SGCD: variants seen among roughly 807,000 people sequenced by gnomAD.
SGCD encodes sarcoglycan delta.
A neutral mutation model predicts 36.6 loss-of-function variants in SGCD; 18 were observed. That is an observed-to-expected ratio of 0.49 (90% CI 0.34 to 0.73). The LOEUF is 0.73. Among genes scored for constraint, SGCD ranks in the 30% least tolerant of loss-of-function variants. The pLI, the probability that SGCD is intolerant of heterozygous loss-of-function variation, is 0.01. For missense variants in SGCD, 387 were observed against 346.7 expected, an observed-to-expected ratio of 1.12 and a Z score of -0.92; for synonymous variants, 133 against 130.6, an observed-to-expected ratio of 1.02 and a Z score of -0.12.
At chr5:156,475,662 G>A (rs1477593888) in intron 3 of SGCD, among the ~76,000 whole-genome samples, 5 of 152,154 alleles carry the variant, frequency 3.3e-5, no homozygotes, top group African/African-American at 4.8e-5. Context: ...CAAGCCTGCC[G>A]CTAACCAAGT....
the SGCD span, among the ~76,000 whole-genome samples, chr5:155,838,661 A>G: frequency 2.0e-5 from 3 of 152,014 alleles, no homozygotes; most frequent in East Asian, 5.8e-4. Flanking sequence ...TCACTCTGTC[A>G]TAGGTGTACA....
At chr5:156,527,749 G>A (rs1227839851) in intron 4 of SGCD, among the ~76,000 whole-genome samples, 2 of 152,160 alleles carry the variant, frequency 1.3e-5, no homozygotes, top group Non-Finnish European at 2.9e-5. Context: ...TGGAAGCTGA[G>A]CTGCTGTGGT....
chr5:156,573,819 C>T (rs927325192), intron 4 of SGCD, among the ~76,000 whole-genome samples: 1 of 152,026 alleles, frequency 6.6e-6, no homozygotes, highest in African/African-American at 2.4e-5. Flanking sequence ...TCTGCCTCCC[C>T]AGTAGTTAGG....
the SGCD span, among the ~76,000 whole-genome samples, chr5:155,792,433 C>CAAAAAAAAA: frequency 1.5e-4 from 14 of 92,298 alleles, no homozygotes; most frequent in Middle Eastern, 0.021. Flanking sequence ...TTCTACATAG[C>CAAAAAAAAA]AAAAAAAAAA....
chr5:156,406,201 C>T (rs926577718), intron 3 of SGCD, among the ~76,000 whole-genome samples: 19 of 151,958 alleles, frequency 1.3e-4, no homozygotes, highest in South Asian at 4.1e-4. Context: ...GGAGACTGCA[C>T]GAAAAAGATT....
intron 7 of SGCD, among the ~76,000 whole-genome samples, chr5:156,714,642 G>A (rs774164147): frequency 1.2e-4 from 19 of 152,164 alleles, no homozygotes; most frequent in Non-Finnish European, 1.6e-4. Context: ...CTTAGTACCC[G>A]TGATTCCAGC....
chr5:156,156,440 C>A (rs927644125), intron 3 of SGCD, among the ~76,000 whole-genome samples: 2 of 151,462 alleles, frequency 1.3e-5, no homozygotes, highest in East Asian at 1.9e-4. Context: ...ATCAGCCTGA[C>A]CAACATGGCA....
At chr5:155,836,894 G>C in the SGCD span, among the ~76,000 whole-genome samples, 7 of 152,248 alleles carry the variant, frequency 4.6e-5, no homozygotes, top group Middle Eastern at 3.4e-3. Flanking sequence ...CTTAAGGGCA[G>C]TGGAGTAGCC....
chr5:156,606,791 T>C (rs1761479841), intron 6 of SGCD, among the ~76,000 whole-genome samples: 1 of 152,216 alleles, frequency 6.6e-6, no homozygotes, highest in African/African-American at 2.4e-5. Context: ...TCCTAGGTAT[T>C]TTATTCTCTT....
At chr5:156,573,351 C>T (rs984737384) in intron 4 of SGCD, among the ~76,000 whole-genome samples, 12 of 152,174 alleles carry the variant, frequency 7.9e-5, no homozygotes, top group Non-Finnish European at 1.8e-4. Context: ...ACTTTGCCTC[C>T]GGTCATGAAA....
chr5:156,586,103 A>G (rs573719458), intron 4 of SGCD, among the ~76,000 whole-genome samples: 1 of 150,904 alleles, frequency 6.6e-6, no homozygotes, highest in South Asian at 2.1e-4. Context: ...CTGTCCAAGG[A>G]TTGTATCCCG....
intron 2 of SGCD, among the ~76,000 whole-genome samples, chr5:156,122,262 G>A (rs1354798750): frequency 6.6e-6 from 1 of 152,108 alleles, no homozygotes; most frequent in Non-Finnish European, 1.5e-5. Context: ...TCAGTGAAGT[G>A]AAGTGCTGGA....
chr5:156,500,060 C>T (rs1756378521), intron 3 of SGCD, among the ~76,000 whole-genome samples: 2 of 152,110 alleles, frequency 1.3e-5, no homozygotes, highest in South Asian at 4.1e-4. Flanking sequence ...CATATTTAGG[C>T]TTTCTAAATT....
Position 156,287,627 on chromosome 5 carries a change from TTGTGTG to T in SGCD, c.-43-41877_-43-41872del, listed in dbSNP as rs70982002. 3.3e-3 allele frequency among the ~76,000 whole-genome samples: 486 copies of T among 146,378 alleles called. 3 individuals carry two copies. Among genetic ancestry groups the T allele is most frequent in the African/African-American group, 9.2e-3 (363 of 39,638 alleles). ...AGCTTGGAACTTTAGTTCCGTTTCT[TTGTGTG>T]TGTGTGTGTGTGTGTGTGTGTGTGT... On this transcript the variant is annotated intron_variant, in intron 3 of 9. Coordinates refer to the SGCD transcript ENST00000517913.
chr5:156,306,843 T>C (rs1020932575), intron 3 of SGCD, among the ~76,000 whole-genome samples: 1 of 152,212 alleles, frequency 6.6e-6, no homozygotes, highest in African/African-American at 2.4e-5. Context: ...TCCTTTCCTA[T>C]GTTCACATAT....
intron 4 of SGCD, among the ~76,000 whole-genome samples, chr5:156,585,524 G>A (rs565473285): frequency 3.9e-5 from 6 of 152,242 alleles, no homozygotes; most frequent in East Asian, 1.9e-4. Flanking sequence ...AGAGCACTGC[G>A]ACCAATGCAT....
chr5:155,921,977 G>T (rs1455820427), intron 1 of SGCD, among the ~76,000 whole-genome samples: 1 of 152,226 alleles, frequency 6.6e-6, no homozygotes, highest in Non-Finnish European at 1.5e-5. Flanking sequence ...TCTGGAAAGG[G>T]CAGTGGACTT....
intron 3 of SGCD, among the ~76,000 whole-genome samples, chr5:156,224,648 T>C (rs1217291192): frequency 1.3e-5 from 2 of 152,256 alleles, no homozygotes; most frequent in African/African-American, 4.8e-5. Flanking sequence ...GGAGGAAAGG[T>C]TGTTATCAAG....
At chr5:155,894,912 C>T (rs1756213825) in intron 1 of SGCD, among the ~76,000 whole-genome samples, 2 of 152,132 alleles carry the variant, frequency 1.3e-5, no homozygotes, top group South Asian at 2.1e-4. Flanking sequence ...ACTCATCCTG[C>T]AAACCCCTGC....
Sources: gnomAD v4.1 joint callset for allele counts (sites outside exome capture counted in the v4.1 genomes callset) on GRCh38, gnomAD v4.1.1 for gene constraint, MANE v1.5 for transcripts, NCBI Gene and HGNC (gene_info 2026-07-23, HGNC 2026-07-21) for gene names.